Variants in PJA2 observed in about 807,000 individuals in gnomAD.
PJA2 encodes the protein praja ring finger ubiquitin ligase 2, also known as E3 ubiquitin-protein ligase Praja-2.
Under a neutral mutation model 69.3 loss-of-function variants are expected in PJA2, and 25 were observed. The observed-to-expected ratio is 0.36, with a 90% CI of 0.26 to 0.50. The LOEUF is 0.50. Among genes scored for constraint, PJA2 ranks in the 20% least tolerant of loss-of-function variants. The probability of loss-of-function intolerance (pLI) is 0.96; values close to 1 mark genes in which losing one functional copy is unlikely to be tolerated. For missense variants in PJA2, 809 were observed against 830.2 expected (o/e 0.97, Z 0.31); for synonymous variants, 308 against 277.8 (o/e 1.11, Z -1.08).
chr5:109,394,089 C>T (rs1747349590), intron 1 of PJA2, among the ~76,000 whole-genome samples: 2 of 137,772 alleles, frequency 1.5e-5, no homozygotes. Context: ...ACTCTGTTGC[C>T]CAAGCTGGTG....
intron 1 of PJA2, among the ~76,000 whole-genome samples, chr5:109,384,308 T>C (rs1042120839): frequency 6.6e-6 from 1 of 152,234 alleles, no homozygotes; most frequent in Non-Finnish European, 1.5e-5. Context: ...GTGTAAATAA[T>C]GATGTATTTA....
At chr5:109,357,032 C>T (rs966535708) in intron 6 of PJA2, among the ~76,000 whole-genome samples, 6 of 152,056 alleles carry the variant, frequency 3.9e-5, no homozygotes, top group African/African-American at 1.4e-4. Flanking sequence ...ATCTTGCTCC[C>T]TTGGAAATTA....
intron 6 of PJA2, among the ~76,000 whole-genome samples, chr5:109,362,556 A>G (rs565116277): frequency 5.9e-5 from 9 of 152,316 alleles, no homozygotes; most frequent in Admixed American, 1.3e-4. Context: ...CATATAAAGC[A>G]AAATTTTAAA....
intron 1 of PJA2, among the ~76,000 whole-genome samples, chr5:109,398,126 T>C (rs1288811440): frequency 1.3e-5 from 2 of 152,184 alleles, no homozygotes; most frequent in East Asian, 1.9e-4. Flanking sequence ...CCAGTCAGAA[T>C]GGCGATCGTT....
At chr5:109,344,046 G>A (rs1437175976) in intron 9 of PJA2, 144 bp downstream of exon 9, 4 of 510,310 alleles carry the variant, frequency 7.8e-6, no homozygotes, top group East Asian at 3.8e-5. Context: ...GCAGTGAGCC[G>A]AGATCGAACC....
chr5:109,401,466 A>C (rs534438706), intron 1 of PJA2, among the ~76,000 whole-genome samples: 30 of 152,314 alleles, frequency 2.0e-4, no homozygotes, highest in Admixed American at 7.2e-4. Context: ...CTCAAAAAAA[A>C]ACAACAAATA....
chr5:109,344,359 G>A (rs1321952795), intron 8 of PJA2, 48 bp from the exon 9 acceptor site: 3 of 1,546,660 alleles, frequency 1.9e-6, no homozygotes, highest in Admixed American at 4.0e-5. Context: ...TTCAATTTTA[G>A]TAAAACTGAA....
intron 1 of PJA2, among the ~76,000 whole-genome samples, chr5:109,391,690 C>T (rs1479331894): frequency 6.6e-6 from 1 of 151,602 alleles, no homozygotes; most frequent in African/African-American, 2.4e-5. Context: ...TCATTATTCA[C>T]AGATAACATG....
rs185470912 is a variant in PJA2 at position 109,404,387 on chromosome 5, G to A, written c.-88+5455C>T. ...AATACAAAAATTAGCCAGGCATGGT[G>A]ACATACGCCTGTAATCCCAGCTACT... On this transcript the variant is annotated intron_variant, in intron 1 of 9. Transcript: ENST00000361189. Among the ~76,000 whole-genome samples, 383 of 152,028 alleles carry A rather than the reference G, an allele frequency of 2.5e-3. 3 individuals are homozygous for A. Among genetic ancestry groups the A allele is most frequent in the African/African-American group, 8.6e-3 (355 of 41,450 alleles).
intron 1 of PJA2, among the ~76,000 whole-genome samples, chr5:109,389,689 G>T (rs1330513821): frequency 6.6e-6 from 1 of 151,888 alleles, no homozygotes; most frequent in Admixed American, 6.6e-5. Context: ...TAGGAGCTTA[G>T]ACTACTGATT....
chr5:109,390,141 AC>A (rs1747248514), intron 1 of PJA2, among the ~76,000 whole-genome samples: 1 of 152,120 alleles, frequency 6.6e-6, no homozygotes, highest in Non-Finnish European at 1.5e-5. Context: ...TTATTCCTTT[AC>A]TAAAACTTTT....
intron 1 of PJA2, among the ~76,000 whole-genome samples, chr5:109,404,310 A>G (rs781244217): frequency 1.3e-5 from 2 of 151,444 alleles, no homozygotes; most frequent in African/African-American, 4.9e-5. Flanking sequence ...TACCTGAGGT[A>G]AGGAGTTTGA....
chr5:109,360,467 A>C (rs1162637195), intron 6 of PJA2, among the ~76,000 whole-genome samples: 1 of 152,220 alleles, frequency 6.6e-6, no homozygotes, highest in Non-Finnish European at 1.5e-5. Flanking sequence ...CAAAACAAAA[A>C]AAAATGTGCC....
intron 1 of PJA2, among the ~76,000 whole-genome samples, chr5:109,403,434 TA>T (rs943008774): frequency 6.6e-5 from 10 of 151,366 alleles, no homozygotes; most frequent in African/African-American, 1.7e-4. Flanking sequence ...ATGCAAACTC[TA>T]AAAAAAATTG....
chr5:109,364,867 C>G (rs1023445985), intron 5 of PJA2, among the ~76,000 whole-genome samples: 12 of 151,980 alleles, frequency 7.9e-5, no homozygotes, highest in African/African-American at 2.9e-4. Flanking sequence ...TCAAATAGCC[C>G]TTAAATATAT....
chr5:109,402,969 T>C (rs1293606335), intron 1 of PJA2, among the ~76,000 whole-genome samples: 1 of 151,830 alleles, frequency 6.6e-6, no homozygotes, highest in East Asian at 1.9e-4. Context: ...TGACCTAAGC[T>C]TACACCTTAA....
At chr5:109,358,231 C>T (rs536510246) in intron 6 of PJA2, among the ~76,000 whole-genome samples, 3 of 152,226 alleles carry the variant, frequency 2.0e-5, no homozygotes, top group East Asian at 1.9e-4. Context: ...GGAGGGAAAC[C>T]GCTTAAAGGT....
At chr5:109,385,650 A>C (rs1055037306) in intron 1 of PJA2, among the ~76,000 whole-genome samples, 4 of 152,238 alleles carry the variant, frequency 2.6e-5, no homozygotes, top group Non-Finnish European at 4.4e-5. Context: ...ATACCAAAAC[A>C]GGTATGAACT....
rs995912214 is a variant in PJA2 at position 109,372,773 on chromosome 5, C to T, written c.1284-4027G>A. ...ATACAAAATTAGCTGGGTGTGGTGG[C>T]GCATGCCTGTAATCCCAGCTACTCA... On this transcript the variant is annotated intron_variant, in intron 4 of 9. Transcript: ENST00000361189. Among the ~76,000 whole-genome samples the T allele has an allele frequency of 5.9e-5, 9 of 151,670 alleles. No homozygotes were observed. The East Asian group carries it at 9.7e-4, about 16-fold the overall frequency.
Sources: allele counts gnomAD v4.1 joint callset (sites outside exome capture counted in the v4.1 genomes callset), GRCh38; gene constraint gnomAD v4.1.1; transcripts MANE v1.5; gene names NCBI Gene and HGNC (gene_info 2026-07-23, HGNC 2026-07-21).